Variants in LRRC14 observed in about 807,000 individuals in gnomAD.
LRRC14 encodes leucine rich repeat containing 14.
A neutral mutation model predicts 25.3 loss-of-function variants in LRRC14; 16 were observed. That is an observed-to-expected ratio of 0.63 (90% CI 0.43 to 0.96). The LOEUF is 0.96. Among genes scored for constraint, LRRC14 ranks in the 40% least tolerant of loss-of-function variants. The pLI, the probability that LRRC14 is intolerant of heterozygous loss-of-function variation, is 0.00. For synonymous variants in LRRC14, 359 were observed against 295.1 expected (o/e 1.22, Z -2.22); for missense variants, 594 against 660.5 (o/e 0.90, Z 1.10).
chr8:144,522,032 CTGT>C lies in LRRC14; in HGVS notation c.*556_*558del, dbSNP rs1816103215. ...ATGTGCCTGGAAGTTGAATTTGTGG[CTGT>C]TTTTTTTTCTGTCCACGTTGGTCAC... On this transcript the variant is annotated 3_prime_UTR_variant, in exon 4 of 4. Coordinates refer to ENST00000292524, the MANE Select transcript of LRRC14 (RefSeq NM_014665.4). The C allele has an allele frequency of 5.6e-6, 1 of 180,048 alleles. No individual in the cohort carries two copies. Among genetic ancestry groups the C allele is most frequent in the Non-Finnish European group, 1.1e-5 (1 of 87,156 alleles). The allele number at this position is 180,048 out of a possible 1,614,324, so 11.2% of individuals were successfully genotyped here. A position where few individuals can be genotyped will look rare whatever the true frequency, so the allele number is the denominator to read the frequency against.
Position 144,522,237 on chromosome 8 carries a change from C to CT in LRRC14, c.*759_*760insT, listed in dbSNP as rs960245105. On this transcript the variant is annotated 3_prime_UTR_variant, in exon 4 of 4. Transcript: ENST00000292524. ...GGCCGGCCAGGGCCAGCGAGGGACCCCCCCCATGCAGAGCTGGAGGTTGGG... is the reference window on the plus strand; with the variant it reads ...GGCCGGCCAGGGCCAGCGAGGGACCCTCCCCCATGCAGAGCTGGAGGTTGGG... 16 of 505,478 alleles carry CT rather than the reference C, an allele frequency of 3.2e-5. No individual in the cohort carries two copies. The highest frequency in any genetic ancestry group is 2.6e-4 in the African/African-American group (13 of 50,102). 31.3% of individuals were successfully genotyped at this position (505,478 alleles called of 1,614,324 possible). A position where few individuals can be genotyped will look rare whatever the true frequency, so the allele number is the denominator to read the frequency against.
chr8:144,522,465 G>A lies in LRRC14; in HGVS notation c.*987G>A. ...TCTCCGGCGCCCACGTCATCCGCGC[G>A]CCCGCGGCCCTAGCAGTGGATCTCG... is the stretch of plus-strand genomic sequence containing the variant. On this transcript the variant is annotated 3_prime_UTR_variant, in exon 4 of 4. Coordinates refer to ENST00000292524, the MANE Select transcript of LRRC14 (RefSeq NM_014665.4). The A allele has an allele frequency of 2.8e-6, 4 of 1,407,130 alleles. No individual in the cohort carries two copies. The highest frequency in any genetic ancestry group is 1.6e-5 in the South Asian group (1 of 64,414). 87.2% of individuals were successfully genotyped at this position (1,407,130 alleles called of 1,614,324 possible). A position where few individuals can be genotyped will look rare whatever the true frequency, so the allele number is the denominator to read the frequency against.
chr8:144,524,777 G>T lies in LRRC14; in HGVS notation c.*3299G>T. 1 of 1,435,778 alleles carries T rather than the reference G, an allele frequency of 7.0e-7. No homozygotes were observed. Among genetic ancestry groups the T allele is most frequent in the Non-Finnish European group, 9.1e-7 (1 of 1,099,748 alleles). 88.9% of individuals were successfully genotyped at this position (1,435,778 alleles called of 1,614,324 possible). On this transcript the variant is annotated 3_prime_UTR_variant, in exon 4 of 4. Coordinates refer to ENST00000292524, the MANE Select transcript of LRRC14 (RefSeq NM_014665.4). ...CGTTGCGGGGGTCTTCCTCTCCCTG[G>T]GGGCACCCCGTCCTCCCGCAGCTCC...
Position 144,524,034 on chromosome 8 carries a change from G to A in LRRC14, c.*2556G>A. On this transcript the variant is annotated 3_prime_UTR_variant, in exon 4 of 4. Coordinates refer to ENST00000292524, the MANE Select transcript of LRRC14 (RefSeq NM_014665.4). ...TGCTGCCCAGTTGCCTGATGTCAGA[G>A]CCCCTCCACACATGAGCCTGCTCCC... 1 of 1,508,480 alleles carries A rather than the reference G, an allele frequency of 6.6e-7. No homozygotes were observed. The highest frequency in any genetic ancestry group is 9.0e-7 in the Non-Finnish European group (1 of 1,113,130). 93.4% of individuals were successfully genotyped at this position (1,508,480 alleles called of 1,614,324 possible).
chr8:144,523,344 G>A lies in LRRC14; in HGVS notation c.*1866G>A, dbSNP rs1323900231. 6.3e-7 allele frequency: 1 copy of A among 1,586,800 alleles called. No homozygotes were observed. The highest frequency in any genetic ancestry group is 1.1e-5 in the South Asian group (1 of 88,640). The stretch of plus-strand genomic sequence containing the variant: ...TTCCTGTCCCTGGAGGTGAGCAGCC[G>A]CTGGCCGCCCTCCTTGATCCAGGCA... On this transcript the variant is annotated 3_prime_UTR_variant, in exon 4 of 4. Transcript: ENST00000292524.
Position 144,524,369 on chromosome 8 carries a change from C to T in LRRC14, c.*2891C>T. 1 of 1,594,176 alleles carries T rather than the reference C, an allele frequency of 6.3e-7. No homozygotes were observed. Among genetic ancestry groups the T allele is most frequent in the East Asian group, 2.2e-5 (1 of 44,786 alleles). ...ACCAAGCTAGACTGGGTTGCCTTTT[C>T]TAACTATTCCAGCCCTACAGGGCGA... On this transcript the variant is annotated 3_prime_UTR_variant, in exon 4 of 4. Coordinates refer to ENST00000292524, the MANE Select transcript of LRRC14 (RefSeq NM_014665.4).
rs150669119 is a variant in LRRC14, at chr8:144,523,213, C to T, written c.*1735C>T. On this transcript the variant is annotated 3_prime_UTR_variant, in exon 4 of 4. Coordinates refer to ENST00000292524, the MANE Select transcript of LRRC14 (RefSeq NM_014665.4). The stretch of plus-strand genomic sequence containing the variant: ...GGTCCTCACCCAGGTTGGCTGTGAG[C>T]TCCAGCGGCTGCACGTGGACAGAGG... 7 of 1,609,036 alleles carry T rather than the reference C, an allele frequency of 4.4e-6. No homozygotes were observed. In the African/African-American group the frequency reaches 6.7e-5, roughly 15 times the overall value.
At position 144,524,158 on chromosome 8, in the gene LRRC14, G is replaced by T. The variant is rs1338405010; in HGVS notation, c.*2680G>T. 1.9e-6 allele frequency: 3 copies of T among 1,610,040 alleles called. No individual in the cohort carries two copies. The highest frequency in any genetic ancestry group is 2.5e-6 in the Non-Finnish European group (3 of 1,178,064). ...CTGGCCAGGGGCTGCAGGGCCTCTC[G>T]GCTGATGGTGCCCAGCTGGTTCCTG... is the stretch of plus-strand genomic sequence containing the variant. On this transcript the variant is annotated 3_prime_UTR_variant, in exon 4 of 4. Coordinates refer to ENST00000292524, the MANE Select transcript of LRRC14 (RefSeq NM_014665.4).
In LRRC14 at chr8:144,522,540, G is replaced by A. The variant is rs1238626632; in HGVS notation, c.*1062G>A. On this transcript the variant is annotated 3_prime_UTR_variant, in exon 4 of 4. Coordinates refer to ENST00000292524, the MANE Select transcript of LRRC14 (RefSeq NM_014665.4). ...AGTCCCGGCCCCGCCCCCTGTTCCG[G>A]GCCGCAGTCAGCGGGCGCCTCCGCC... 1.3e-6 allele frequency: 2 copies of A among 1,526,850 alleles called. No homozygotes were observed. Among genetic ancestry groups the A allele is most frequent in the South Asian group, 1.2e-5 (1 of 81,614 alleles). 94.6% of individuals were successfully genotyped at this position (1,526,850 alleles called of 1,614,324 possible).
rs1398156199 is a variant in LRRC14 at position 144,520,062 on chromosome 8, C to T, written c.329+8C>T. On this transcript the variant is annotated splice_region_variant and intron_variant, in intron 2 of 3. Coordinates refer to ENST00000292524, the MANE Select transcript of LRRC14 (RefSeq NM_014665.4). ...CACACAGCCCCTCTGCAGGTATGGA[C>T]TTATCTGGAGGGTCGTCAGGCCAGG... 9 of 1,597,762 alleles carry T rather than the reference C, an allele frequency of 5.6e-6. No homozygotes were observed. The highest frequency in any genetic ancestry group is 2.7e-5 in the African/African-American group (2 of 74,700).
Position 144,524,219 on chromosome 8 carries a change from T to A in LRRC14, c.*2741T>A, listed in dbSNP as rs1402353226. ...GCAGTGCTAGGGAGGACAGCCCCGC[T>A]AGAGCCTGGTCCTCCAGCAGCTCAA... is the stretch of plus-strand genomic sequence containing the variant. On this transcript the variant is annotated 3_prime_UTR_variant, in exon 4 of 4. Transcript: ENST00000292524. 6.2e-7 allele frequency: 1 copy of A among 1,612,678 alleles called. No homozygotes were observed. The highest frequency in any genetic ancestry group is 1.1e-5 in the South Asian group (1 of 91,088).
chr8:144,521,131 G>C lies in LRRC14; in HGVS notation c.1135G>C (p.Asp379His). The stretch of plus-strand genomic sequence containing the variant: ...GGAGCTGACTGAGTGTCAGCTCGCA[G>C]ACACCCAGCTGTTGGCCACACTACC... ...HLELTECQLA[D>H]TQLLATLPIL... The change falls in exon 4 of 4, where the codon GAC becomes CAC. Residue 379 changes from aspartate to histidine, a missense_variant. By Grantham distance (81) the Asp-to-His change is moderately conservative. Coordinates refer to ENST00000292524, the MANE Select transcript of LRRC14 (RefSeq NM_014665.4). 6.2e-7 allele frequency: 1 copy of C among 1,613,068 alleles called. No individual in the cohort carries two copies.
In LRRC14 at chr8:144,522,522, GC is replaced by G; in HGVS notation, c.*1048del. On this transcript the variant is annotated 3_prime_UTR_variant, in exon 4 of 4. Coordinates refer to ENST00000292524, the MANE Select transcript of LRRC14 (RefSeq NM_014665.4). ...ACCGGCGGGGGCACGCGGAGTCCCG[GC>G]CCCGCCCCCTGTTCCGGGCCGCAGT... 1 of 1,513,666 alleles carries G rather than the reference GC, an allele frequency of 6.6e-7. No homozygotes were observed. The allele number at this position is 1,513,666 out of a possible 1,614,324, so 93.8% of individuals were successfully genotyped here.
Position 144,523,792 on chromosome 8 carries a change from G to A in LRRC14, c.*2314G>A. The A allele has an allele frequency of 2.4e-6, 1 of 421,656 alleles. No homozygotes were observed. Among genetic ancestry groups the A allele is most frequent in the Non-Finnish European group, 4.2e-6 (1 of 238,102 alleles). 26.1% of individuals were successfully genotyped at this position (421,656 alleles called of 1,614,324 possible). A position where few individuals can be genotyped will look rare whatever the true frequency, so the allele number is the denominator to read the frequency against. Reference sequence around the variant, plus strand: ...CCTTGCCTTTGGATGCCCTCTCTTGGGAATGTCCCCAGTCCTGGTCAGCTG... The same window carrying A: ...CCTTGCCTTTGGATGCCCTCTCTTGAGAATGTCCCCAGTCCTGGTCAGCTG... On this transcript the variant is annotated 3_prime_UTR_variant, in exon 4 of 4. Transcript: ENST00000292524.
At chr8:144,520,193 G>A (rs1295467283) in intron 2 of LRRC14, 45 bp from the exon 3 acceptor site, 22 of 1,588,578 alleles carry the variant, frequency 1.4e-5, no homozygotes, top group Non-Finnish European at 1.6e-5. Context: ...GAGGGGGTAT[G>A]GGCGCTGCCC....
rs943108144 is a variant in LRRC14, at chr8:144,521,786, C to T, written c.*308C>T. ...GGGGTCCTGGTCCTTTGTGCAAATG[C>T]TTTGGGATTCCAGTTGTGAGCTGAG... On this transcript the variant is annotated 3_prime_UTR_variant, in exon 4 of 4. Transcript: ENST00000292524. The T allele has an allele frequency of 2.9e-5, 11 of 373,956 alleles. No individual in the cohort carries two copies. Among genetic ancestry groups the T allele is most frequent in the East Asian group, 1.0e-4 (2 of 20,082 alleles). The allele number at this position is 373,956 out of a possible 1,614,324, so 23.2% of individuals were successfully genotyped here.
In LRRC14 at chr8:144,523,871, C is replaced by T. The variant is rs923763038; in HGVS notation, c.*2393C>T. The T allele has an allele frequency of 5.4e-6, 3 of 553,594 alleles. No individual in the cohort carries two copies. Among genetic ancestry groups the T allele is most frequent in the Non-Finnish European group, 9.5e-6 (3 of 315,146 alleles). The allele number at this position is 553,594 out of a possible 1,614,324, so 34.3% of individuals were successfully genotyped here. A position where few individuals can be genotyped will look rare whatever the true frequency, so the allele number is the denominator to read the frequency against. ...CCCCTCAGCCTAAAAGTGTGCAGAA[C>T]CCTCAATTCTGTTAAGTCACCCTGT... On this transcript the variant is annotated 3_prime_UTR_variant, in exon 4 of 4. Coordinates refer to ENST00000292524, the MANE Select transcript of LRRC14 (RefSeq NM_014665.4).
rs750332147 is a variant in LRRC14, at chr8:144,524,187, A to C, written c.*2709A>C. On this transcript the variant is annotated 3_prime_UTR_variant, in exon 4 of 4. Coordinates refer to ENST00000292524, the MANE Select transcript of LRRC14 (RefSeq NM_014665.4). ...GATGGTGCCCAGCTGGTTCCTGCTGAGGTCCAGCAGTGCTAGGGAGGACAG... is the reference window on the plus strand; with the variant it reads ...GATGGTGCCCAGCTGGTTCCTGCTGCGGTCCAGCAGTGCTAGGGAGGACAG... 3 of 1,611,630 alleles carry C rather than the reference A, an allele frequency of 1.9e-6. No homozygotes were observed. The South Asian group carries it at 3.3e-5, about 18-fold the overall frequency.
rs1554908525 is a variant in LRRC14 at position 144,522,234 on chromosome 8, A to AAC, written c.*756_*757insAC. On this transcript the variant is annotated 3_prime_UTR_variant, in exon 4 of 4. Coordinates refer to ENST00000292524, the MANE Select transcript of LRRC14 (RefSeq NM_014665.4). Reference sequence around the variant, plus strand: ...TGTGGCCGGCCAGGGCCAGCGAGGGACCCCCCCCATGCAGAGCTGGAGGTT... The same window carrying AAC: ...TGTGGCCGGCCAGGGCCAGCGAGGGAACCCCCCCCCATGCAGAGCTGGAGGTT... 4 of 468,714 alleles carry AAC rather than the reference A, an allele frequency of 8.5e-6. No individual in the cohort carries two copies. Among genetic ancestry groups the AAC allele is most frequent in the Non-Finnish European group, 1.4e-5 (4 of 287,108 alleles). 29.0% of individuals were successfully genotyped at this position (468,714 alleles called of 1,614,324 possible).
Sources: gnomAD v4.1 joint callset for allele counts on GRCh38, gnomAD v4.1.1 for gene constraint, MANE v1.5 for transcripts, NCBI Gene and HGNC (gene_info 2026-07-23, HGNC 2026-07-21) for gene names.